Variants in TMEM192 observed in about 807,000 individuals in gnomAD.
TMEM192 encodes transmembrane protein 192.
TMEM192 carries 20 observed loss-of-function variants against 26.7 expected under a neutral mutation model. That is an observed-to-expected ratio of 0.75 (90% confidence interval 0.53 to 1.09). The LOEUF (loss-of-function observed/expected upper bound fraction) is 1.09, where lower values mean the gene tolerates loss of function less well. TMEM192 is among the 50% of genes least tolerant of loss of function. TMEM192 has a pLI of 0.00. For missense variants in TMEM192, 304 were observed against 322.6 expected (o/e 0.94, Z 0.44); for synonymous variants, 124 against 121.0 (o/e 1.02, Z -0.16).
Position 165,112,829 on chromosome 4 carries a change from T to TAA in TMEM192, c.-58_-57dup. On this transcript the variant is annotated 5_prime_UTR_variant, in exon 1 of 6. Coordinates refer to ENST00000306480, the MANE Select transcript of TMEM192 (RefSeq NM_001100389.2). ...AGCCCGGCCTCTCCACCTGGACCTG[T>TAA]AAGCCTCTGGCCGCGAAACTCGCCA... 6.3e-7 allele frequency: 1 copy of TAA among 1,586,856 alleles called. No homozygotes were observed. Among genetic ancestry groups the TAA allele is most frequent in the Admixed American group, 1.7e-5 (1 of 58,602 alleles).
In TMEM192 at chr4:165,079,472, T is replaced by C; in HGVS notation, c.*186A>G. ...GTTATCCGGGCTTCTACAGGTACTT[T>C]TCAAGTGACCCACAAGCCCTATATT... On this transcript the variant is annotated 3_prime_UTR_variant, in exon 6 of 6. Transcript: ENST00000306480. The C allele has an allele frequency of 1.8e-6, 1 of 541,966 alleles. No homozygotes were observed. Among genetic ancestry groups the C allele is most frequent in the South Asian group, 3.4e-5 (1 of 29,214 alleles). The allele number at this position is 541,966 out of a possible 1,614,324, so 33.6% of individuals were successfully genotyped here.
intron 3 of TMEM192, among the ~76,000 whole-genome samples, chr4:165,093,916 T>C (rs949023246): frequency 6.6e-6 from 1 of 152,068 alleles, no homozygotes; most frequent in African/African-American, 2.4e-5. Context: ...TTTGTTTTTT[T>C]GAGTCGGAGT....
rs918738982 is a variant in TMEM192 at position 165,108,442 on chromosome 4, G to A, written c.27+4305C>T. Among the ~76,000 whole-genome samples the A allele has an allele frequency of 3.3e-5, 5 of 152,052 alleles. 1 individual carries two copies. The highest frequency in any genetic ancestry group is 2.4e-5 in the African/African-American group (1 of 41,498). On this transcript the variant is annotated intron_variant, in intron 1 of 5. Transcript: ENST00000306480. ...GGCCATTTTCTGTAATCCTATATTCGTGAACTTTGTTCTGGAGTGCAGTCA... is the reference window on the plus strand; with the variant it reads ...GGCCATTTTCTGTAATCCTATATTCATGAACTTTGTTCTGGAGTGCAGTCA...
rs1474184462 is a variant in TMEM192 at position 165,101,259 on chromosome 4, A to G, written c.175-367T>C. On this transcript the variant is annotated intron_variant, in intron 2 of 5. Transcript: ENST00000306480. ...CCAAAGTGCTGGAATTACAGGTGTG[A>G]GCCACCGCACCCGGCTTCCCAGCAT... Among the ~76,000 whole-genome samples the G allele has an allele frequency of 2.6e-5, 4 of 152,006 alleles. No individual in the cohort carries two copies. In the South Asian group the frequency reaches 6.2e-4, roughly 24 times the overall value.
chr4:165,094,929 G>A (rs1299246475), intron 3 of TMEM192, among the ~76,000 whole-genome samples: 2 of 151,318 alleles, frequency 1.3e-5, no homozygotes, highest in Non-Finnish European at 2.9e-5. Context: ...AGCCAAGATC[G>A]CACCACTGCT....
chr4:165,107,315 C>T (rs1735185134), intron 1 of TMEM192, among the ~76,000 whole-genome samples: 1 of 149,782 alleles, frequency 6.7e-6, no homozygotes, highest in Non-Finnish European at 1.5e-5. Context: ...AACCACTGTA[C>T]CCAACCTTTT....
rs1274802770 is a variant in TMEM192 at position 165,077,517 on chromosome 4, A to T, written c.*2141T>A. 6.6e-6 allele frequency: 1 copy of T among 152,188 alleles called. No homozygotes were observed. The highest frequency in any genetic ancestry group is 1.5e-5 in the Non-Finnish European group (1 of 68,088). 9.4% of individuals were successfully genotyped at this position (152,188 alleles called of 1,614,324 possible). ...ATCCCAACACTTTGGGAGGCCAAGGAGGGCGGATCAAAAGGTCAGGAGTTT... is the reference window on the plus strand; with the variant it reads ...ATCCCAACACTTTGGGAGGCCAAGGTGGGCGGATCAAAAGGTCAGGAGTTT... On this transcript the variant is annotated 3_prime_UTR_variant, in exon 6 of 6. Transcript: ENST00000306480.
chr4:165,098,733 T>C (rs879402505), intron 3 of TMEM192, among the ~76,000 whole-genome samples: 12 of 152,162 alleles, frequency 7.9e-5, no homozygotes, highest in Admixed American at 3.3e-4. Context: ...GTTCCGCTCT[T>C]GTTGCCCAGG....
Position 165,100,862 on chromosome 4 carries a change from C to CT in TMEM192, c.204dup (p.Gly69ArgfsTer8), listed in dbSNP as rs1383504025. ...GGATTAGGATAAGAACAAAGCACAC[C>CT]TGTTAAAAATGCTAAAACAACAAAC... On this transcript the variant is annotated frameshift_variant, in exon 3 of 6. Coordinates refer to ENST00000306480, the MANE Select transcript of TMEM192 (RefSeq NM_001100389.2). LOFTEE classifies it high-confidence loss of function. The CT allele has an allele frequency of 1.2e-6, 2 of 1,612,866 alleles. No homozygotes were observed. The highest frequency in any genetic ancestry group is 1.7e-6 in the Non-Finnish European group (2 of 1,179,796).
chr4:165,106,450 G>A (rs1027677219), intron 1 of TMEM192, among the ~76,000 whole-genome samples: 1 of 152,212 alleles, frequency 6.6e-6, no homozygotes, highest in African/African-American at 2.4e-5. Context: ...GGATGGCAAA[G>A]TATCGTCTGT....
intron 5 of TMEM192, among the ~76,000 whole-genome samples, chr4:165,084,123 GT>G (rs1006268153): frequency 2.0e-5 from 3 of 151,756 alleles, no homozygotes; most frequent in Non-Finnish European, 4.4e-5. Flanking sequence ...GCCCAGTCAT[GT>G]TTTTTTCTTT....
At chr4:165,101,607 T>A (rs1289791179) in intron 2 of TMEM192, among the ~76,000 whole-genome samples, 1 of 151,724 alleles carries the variant, frequency 6.6e-6, no homozygotes, top group African/African-American at 2.4e-5. Context: ...ACACAAAAAG[T>A]AAAAGGAAAG....
intron 2 of TMEM192, among the ~76,000 whole-genome samples, chr4:165,101,757 A>C (rs1382948387): frequency 6.6e-6 from 1 of 152,128 alleles, no homozygotes; most frequent in East Asian, 1.9e-4. Flanking sequence ...CCTCAAGGAA[A>C]GGGGATACCA....
At chr4:165,098,866 TTTCG>T (rs1734975264) in intron 3 of TMEM192, among the ~76,000 whole-genome samples, 1 of 150,766 alleles carries the variant, frequency 6.6e-6, no homozygotes, top group Non-Finnish European at 1.5e-5. Context: ...CCCGGCTAAT[TTTCG>T]TTTGTATTTT....
intron 2 of TMEM192, among the ~76,000 whole-genome samples, chr4:165,102,615 G>C (rs1735062874): frequency 6.6e-6 from 1 of 152,034 alleles, no homozygotes. Context: ...CAGTTGCATA[G>C]CATTTCCTTA....
chr4:165,084,752 T>C (rs189352608), intron 5 of TMEM192, among the ~76,000 whole-genome samples: 3 of 149,514 alleles, frequency 2.0e-5, no homozygotes, highest in African/African-American at 7.4e-5. Context: ...CTACTAAAAA[T>C]ACAAAAATTA....
intron 1 of TMEM192, among the ~76,000 whole-genome samples, chr4:165,109,965 G>A (rs1735256138): frequency 2.0e-5 from 3 of 152,050 alleles, no homozygotes; most frequent in African/African-American, 7.2e-5. Context: ...GCCTTGTATT[G>A]TTTTCCTTTT....
chr4:165,092,155 T>C (rs1414836549), intron 3 of TMEM192, among the ~76,000 whole-genome samples: 2 of 133,746 alleles, frequency 1.5e-5, no homozygotes, highest in Admixed American at 1.7e-4. Flanking sequence ...GGAGTCTTGC[T>C]CTGCTGCCCA....
intron 1 of TMEM192, among the ~76,000 whole-genome samples, chr4:165,104,853 A>G (rs1318336519): frequency 6.6e-6 from 1 of 151,994 alleles, no homozygotes; most frequent in African/African-American, 2.4e-5. Flanking sequence ...CAATGCCTAG[A>G]TTGCTTCCTG....
Sources: allele counts gnomAD v4.1 joint callset (sites outside exome capture counted in the v4.1 genomes callset), GRCh38; gene constraint gnomAD v4.1.1; transcripts MANE v1.5; gene names NCBI Gene and HGNC (gene_info 2026-07-23, HGNC 2026-07-21).